EFCAB6: variants seen among roughly 807,000 people sequenced by gnomAD.
The protein encoded by EFCAB6 is EF-hand calcium binding domain 6.
A neutral mutation model predicts 169.8 loss-of-function variants in EFCAB6; 156 were observed. The ratio of observed to expected loss-of-function variants is 0.92; its 90% CI spans 0.81 to 1.05. The LOEUF (loss-of-function observed/expected upper bound fraction) is 1.05, where lower values mean the gene tolerates loss of function less well. EFCAB6 is among the 50% of genes least tolerant of loss of function. The probability of loss-of-function intolerance (pLI) is 0.00; values close to 1 mark genes in which losing one functional copy is unlikely to be tolerated. For synonymous variants in EFCAB6, 698 were observed against 676.4 expected (o/e 1.03, Z -0.50); for missense variants, 1,800 against 1,829.1 (o/e 0.98, Z 0.29).
intron 11 of EFCAB6, among the ~76,000 whole-genome samples, chr22:43,685,068 T>C (rs1441280445): frequency 6.6e-6 from 1 of 152,238 alleles, no homozygotes; most frequent in Non-Finnish European, 1.5e-5. Flanking sequence ...AGCCAAATTC[T>C]AGGCAAGGGA....
intron 17 of EFCAB6, among the ~76,000 whole-genome samples, chr22:43,636,149 G>T (rs1443941959): frequency 3.3e-5 from 5 of 152,222 alleles, no homozygotes; most frequent in African/African-American, 1.2e-4. Flanking sequence ...CCCGGAACAG[G>T]GGACGGAAGG....
chr22:43,580,749 T>G, intron 24 of EFCAB6, 90 bp from the exon 25 acceptor site: 1 of 1,382,322 alleles, frequency 7.2e-7, no homozygotes, highest in Non-Finnish European at 9.9e-7. Context: ...CATTGGGCAA[T>G]GTGGGGAAAA....
intron 27 of EFCAB6, among the ~76,000 whole-genome samples, chr22:43,547,587 CCAAT>C (rs2048132864): frequency 2.0e-5 from 3 of 151,502 alleles, no homozygotes; most frequent in East Asian, 2.0e-4. Flanking sequence ...AAAAAACCAA[CCAAT>C]CAACCAACCA....
chr22:43,582,341 T>TATACAC (rs1555941385), intron 24 of EFCAB6, among the ~76,000 whole-genome samples: 1 of 148,266 alleles, frequency 6.7e-6, no homozygotes, highest in African/African-American at 2.5e-5. Flanking sequence ...TCTATACACA[T>TATACAC]ACACACACAC....
chr22:43,691,274 A>G (rs2058403610), intron 10 of EFCAB6, among the ~76,000 whole-genome samples: 1 of 152,178 alleles, frequency 6.6e-6, no homozygotes, highest in Admixed American at 6.6e-5. Context: ...ATAGTTTGTC[A>G]ATATTATATA....
intron 17 of EFCAB6, among the ~76,000 whole-genome samples, chr22:43,638,717 G>A (rs976781610): frequency 6.6e-6 from 1 of 151,830 alleles, no homozygotes; most frequent in Non-Finnish European, 1.5e-5. Flanking sequence ...AGTCTATTTA[G>A]ACTTAATATT....
chr22:43,726,894 C>T (rs565856124), intron 8 of EFCAB6, among the ~76,000 whole-genome samples: 4 of 152,272 alleles, frequency 2.6e-5, no homozygotes, highest in African/African-American at 9.6e-5. Context: ...AATAACAATT[C>T]TTCAGAACAT....
At position 43,744,189 on chromosome 22, in the gene EFCAB6, G is replaced by A. The variant is rs2060480195; in HGVS notation, c.508-8196C>T. ...AGATGGGTAGATGGATGAATGGATG[G>A]ATGATGAATGAATGGATGGAAGGGC... is the stretch of plus-strand genomic sequence containing the variant. On this transcript the variant is annotated intron_variant, in intron 6 of 31. Coordinates refer to ENST00000262726, the MANE Select transcript of EFCAB6 (RefSeq NM_022785.4). This position sits in a 1 kb window ranked among gnomAD's most constrained non-coding sequence, Gnocchi z 4.3. 6.6e-6 allele frequency among the ~76,000 whole-genome samples: 1 copy of A among 151,806 alleles called. No homozygotes were observed. The highest frequency in any genetic ancestry group is 2.1e-4 in the South Asian group (1 of 4,786).
intron 13 of EFCAB6, among the ~76,000 whole-genome samples, chr22:43,674,390 G>A (rs1358250136): frequency 2.0e-5 from 3 of 152,134 alleles, no homozygotes; most frequent in Admixed American, 6.5e-5. Context: ...GACCACATCA[G>A]GCCACAAATG....
intron 17 of EFCAB6, among the ~76,000 whole-genome samples, chr22:43,641,035 C>T (rs140655615): frequency 5.3e-5 from 8 of 152,338 alleles, no homozygotes; most frequent in African/African-American, 1.4e-4. Flanking sequence ...GATAGTCCCT[C>T]GCACAGAACC....
At chr22:43,618,393 G>A (rs2147754794) in intron 20 of EFCAB6, among the ~76,000 whole-genome samples, 1 of 152,192 alleles carries the variant, frequency 6.6e-6, no homozygotes, top group Admixed American at 6.5e-5. Flanking sequence ...GGCAGTATGA[G>A]GGTCTTGAGA....
At chr22:43,553,332 T>C (rs912129932) in intron 27 of EFCAB6, 1 of 152,212 alleles carries the variant, frequency 6.6e-6, no homozygotes, top group African/African-American at 2.4e-5. Flanking sequence ...TTTGGGGATT[T>C]TATGTTTTAG....
chr22:43,629,866 T>A (rs1479008490), intron 19 of EFCAB6, among the ~76,000 whole-genome samples: 2 of 152,068 alleles, frequency 1.3e-5, no homozygotes, highest in Non-Finnish European at 2.9e-5. Context: ...GGCACTCCGG[T>A]CAGAGATGCA....
rs974155954 is a variant in EFCAB6 at position 43,566,617 on chromosome 22, T to G, written c.3420+9680A>C. On this transcript the variant is annotated intron_variant, in intron 26 of 31. Coordinates refer to ENST00000262726, the MANE Select transcript of EFCAB6 (RefSeq NM_022785.4). ...GCCAGCAGGTGCTGGAGATGGAGAT[T>G]GTCTGACTCCAAAGCCATGCTCCTC... 3.5e-4 allele frequency among the ~76,000 whole-genome samples: 53 copies of G among 152,120 alleles called. 1 individual carries two copies. The highest frequency in any genetic ancestry group is 2.4e-3 in the Admixed American group (36 of 15,276).
At chr22:43,635,582 A>T (rs1365850450) in intron 17 of EFCAB6, among the ~76,000 whole-genome samples, 1 of 152,192 alleles carries the variant, frequency 6.6e-6, no homozygotes, top group East Asian at 1.9e-4. Flanking sequence ...TAGATTCAAG[A>T]AAACAAAATA....
At chr22:43,755,971 G>T in intron 5 of EFCAB6, 139 bp from the exon 6 acceptor site, 5 of 840,012 alleles carry the variant, frequency 6.0e-6, no homozygotes, top group Non-Finnish European at 8.7e-6. Context: ...GCTACTGTCT[G>T]CAGGAGCATG....
At chr22:43,724,375 T>C (rs912470831) in intron 8 of EFCAB6, among the ~76,000 whole-genome samples, 18 of 149,108 alleles carry the variant, frequency 1.2e-4, no homozygotes, top group Admixed American at 6.7e-4. Context: ...TTCTTTTTTT[T>C]TTTTTTTTTT....
At chr22:43,655,714 AT>A (rs2056705542) in intron 17 of EFCAB6, among the ~76,000 whole-genome samples, 2 of 152,166 alleles carry the variant, frequency 1.3e-5, no homozygotes, top group Admixed American at 6.5e-5. Flanking sequence ...ATCAGACTGT[AT>A]TTTTTTAATT....
At chr22:43,709,798 G>A (rs1339948882) in intron 10 of EFCAB6, among the ~76,000 whole-genome samples, 1 of 152,178 alleles carries the variant, frequency 6.6e-6, no homozygotes, top group Non-Finnish European at 1.5e-5. Context: ...GTCACCATGT[G>A]TAGACAGAAC....
Sources: gnomAD v4.1 joint callset for allele counts (sites outside exome capture counted in the v4.1 genomes callset) on GRCh38, gnomAD v4.1.1 for gene constraint, Gnocchi (gnomAD v3.1) non-coding constraint, MANE v1.5 for transcripts, NCBI Gene and HGNC (gene_info 2026-07-23, HGNC 2026-07-21) for gene names.